The following JAK2 variants were observed in gnomAD, a reference collection of about 807,000 sequenced individuals.
The protein encoded by JAK2 is Janus kinase 2, also known as tyrosine-protein kinase JAK2.
In JAK2, 86 loss-of-function variants were observed where a neutral mutation model predicts 139.3. The observed-to-expected ratio is 0.62, with a 90% CI of 0.52 to 0.74. The LOEUF is 0.74. Ranked by LOEUF, JAK2 falls within the 30% of genes least tolerant of loss-of-function variation. JAK2 has a pLI of 0.00. For synonymous variants in JAK2, 490 were observed against 437.7 expected (o/e 1.12, Z -1.49); for missense variants, 1,421 against 1,360.3 (o/e 1.04, Z -0.70).
chr9:5,110,200 T>G (rs550487392), intron 22 of JAK2: 1 of 152,234 alleles, frequency 6.6e-6, no homozygotes, highest in Non-Finnish European at 1.5e-5. Context: ...GCCTCAGCCC[T>G]GCTCCACTCC....
intron 19 of JAK2, chr9:5,085,420 T>C (rs2130642593): frequency 1.3e-6 from 1 of 754,432 alleles, no homozygotes; most frequent in East Asian, 2.6e-5. Context: ...TTTACAACTG[T>C]TGGCTATCAG....
At chr9:5,120,440 A>T (rs1328432670) in intron 22 of JAK2, among the ~76,000 whole-genome samples, 2 of 152,206 alleles carry the variant, frequency 1.3e-5, no homozygotes, top group African/African-American at 4.8e-5. Context: ...TAAAAACTCA[A>T]TTTCATTTAA....
chr9:5,057,118 T>G (rs553291349), intron 8 of JAK2, among the ~76,000 whole-genome samples: 1 of 152,142 alleles, frequency 6.6e-6, no homozygotes, highest in African/African-American at 2.4e-5. Context: ...ACAAGTATTA[T>G]TTTATGTTTT....
intron 12 of JAK2, among the ~76,000 whole-genome samples, chr9:5,070,725 A>C (rs906902664): frequency 4.6e-5 from 7 of 152,102 alleles, no homozygotes; most frequent in African/African-American, 1.2e-4. Context: ...ATTGAAAAAA[A>C]CCCACATATA....
intron 22 of JAK2, chr9:5,114,769 A>T: frequency 3.0e-6 from 1 of 328,782 alleles, no homozygotes; most frequent in Admixed American, 4.0e-5. Flanking sequence ...ACTGGCTCAC[A>T]GACCGTCAAG....
intron 2 of JAK2, among the ~76,000 whole-genome samples, chr9:5,020,616 G>A (rs1320855205): frequency 6.6e-6 from 1 of 152,144 alleles, no homozygotes; most frequent in Non-Finnish European, 1.5e-5. Flanking sequence ...TGATGAAGCT[G>A]TACTCAGGGT....
At chr9:4,991,164 A>G (rs753572376) in intron 2 of JAK2, among the ~76,000 whole-genome samples, 2 of 152,238 alleles carry the variant, frequency 1.3e-5, no homozygotes, top group Non-Finnish European at 1.5e-5. Flanking sequence ...TGAGGGTTGA[A>G]TGATTGATGA....
At chr9:4,999,637 A>G (rs1820810741) in intron 2 of JAK2, among the ~76,000 whole-genome samples, 1 of 152,184 alleles carries the variant, frequency 6.6e-6, no homozygotes, top group South Asian at 2.1e-4. Flanking sequence ...TCAAGTCTCA[A>G]AACTGAAGAA....
chr9:5,080,392 T>G lies in JAK2; in HGVS notation c.2283+12T>G, dbSNP rs192823036. The G allele has an allele frequency of 1.3e-6, 2 of 1,595,234 alleles. No individual in the cohort carries two copies. The highest frequency in any genetic ancestry group is 1.8e-5 in the Admixed American group (1 of 57,086). Reference sequence around the variant, plus strand: ...TGGATTCTCAAAGAGTAAGTTTATATAGACTAAGTTAGAATTACTCTATCT... The same window carrying G: ...TGGATTCTCAAAGAGTAAGTTTATAGAGACTAAGTTAGAATTACTCTATCT... On this transcript the variant is annotated intron_variant, in intron 17 of 24. Transcript: ENST00000381652.
chr9:5,110,792 C>T, intron 22 of JAK2: 1 of 408,692 alleles, frequency 2.4e-6, no homozygotes, highest in Non-Finnish European at 4.7e-6. Flanking sequence ...GCCCGGGCCA[C>T]GCGCGACGCC....
At position 5,054,910 on chromosome 9, in the gene JAK2, TC is replaced by T; in HGVS notation, c.936+27del. On this transcript the variant is annotated intron_variant, in intron 7 of 24. Coordinates refer to ENST00000381652, the MANE Select transcript of JAK2 (RefSeq NM_004972.4). This position sits in a 1 kb window ranked among gnomAD's most constrained non-coding sequence, Gnocchi z 4.9. ...GTAATCCTTAATGATATGTTCTTGT[TC>T]TTTGTTATTTTAAGTACAATGGAAA... 1 of 1,470,816 alleles carries T rather than the reference TC, an allele frequency of 6.8e-7. No individual in the cohort carries two copies. Among genetic ancestry groups the T allele is most frequent in the African/African-American group, 1.4e-5 (1 of 70,336 alleles). The allele number at this position is 1,470,816 out of a possible 1,614,324, so 91.1% of individuals were successfully genotyped here. A position where few individuals can be genotyped will look rare whatever the true frequency, so the allele number is the denominator to read the frequency against.
intron 2 of JAK2, among the ~76,000 whole-genome samples, chr9:5,005,344 T>C (rs1374304231): frequency 6.6e-6 from 1 of 152,004 alleles, no homozygotes; most frequent in East Asian, 1.9e-4. Context: ...GCATTTCTTA[T>C]CTATTTTGGA....
intron 22 of JAK2, chr9:5,114,483 T>C (rs1822960948): frequency 2.1e-6 from 1 of 465,770 alleles, no homozygotes; most frequent in African/African-American, 2.0e-5. Context: ...CAGCGGCCCA[T>C]GTGCTCCCCC....
In JAK2 at chr9:5,128,603, A is replaced by C. The variant is rs1168542014; in HGVS notation, c.*1812A>C. Reference sequence around the variant, plus strand: ...AACAAGATGTGAACTAACTTTTCTTAAACATTTTTTTAAATGCTTCATCTT... The same window carrying C: ...AACAAGATGTGAACTAACTTTTCTTCAACATTTTTTTAAATGCTTCATCTT... On this transcript the variant is annotated 3_prime_UTR_variant, in exon 25 of 25. Coordinates refer to ENST00000381652, the MANE Select transcript of JAK2 (RefSeq NM_004972.4). Among the ~76,000 whole-genome samples, 1 of 151,972 alleles carries C rather than the reference A, an allele frequency of 6.6e-6. No homozygotes were observed. The highest frequency in any genetic ancestry group is 1.5e-5 in the Non-Finnish European group (1 of 67,822).
At chr9:5,073,475 C>T (rs1440409436) in intron 13 of JAK2, among the ~76,000 whole-genome samples, 1 of 152,172 alleles carries the variant, frequency 6.6e-6, no homozygotes, top group Non-Finnish European at 1.5e-5. Flanking sequence ...CACTCTTGCT[C>T]TCTCTCACTT....
At chr9:5,005,705 A>G (rs1477858453) in intron 2 of JAK2, among the ~76,000 whole-genome samples, 3 of 151,746 alleles carry the variant, frequency 2.0e-5, no homozygotes, top group Non-Finnish European at 2.9e-5. Context: ...TTTATTTTCT[A>G]TTTCCTGAGA....
chr9:5,116,312 A>G (rs183861224), intron 22 of JAK2, among the ~76,000 whole-genome samples: 8 of 152,226 alleles, frequency 5.3e-5, no homozygotes, highest in African/African-American at 1.9e-4. Flanking sequence ...ATAATGCTTT[A>G]ATCTGGCATT....
intron 2 of JAK2, among the ~76,000 whole-genome samples, chr9:5,001,559 CT>C (rs1307977932): frequency 6.6e-6 from 1 of 151,700 alleles, no homozygotes; most frequent in African/African-American, 2.4e-5. Context: ...GTGTTCTGAC[CT>C]TTTTATATGC....
At chr9:5,001,407 C>G (rs533415761) in intron 2 of JAK2, among the ~76,000 whole-genome samples, 5 of 151,990 alleles carry the variant, frequency 3.3e-5, no homozygotes, top group African/African-American at 4.8e-5. Context: ...TTGGTGTTGA[C>G]TTTTGTCAAA....
Sources: gnomAD v4.1 joint callset for allele counts (sites outside exome capture counted in the v4.1 genomes callset) on GRCh38, gnomAD v4.1.1 for gene constraint, Gnocchi (gnomAD v3.1) non-coding constraint, MANE v1.5 for transcripts, NCBI Gene and HGNC (gene_info 2026-07-23, HGNC 2026-07-21) for gene names.